SULF2: variants seen among roughly 807,000 people sequenced by gnomAD.
SULF2 encodes the protein extracellular sulfatase Sulf-2.
SULF2 carries 52 observed loss-of-function variants against 107.7 expected under a neutral mutation model. The observed-to-expected ratio is 0.48, with a 90% CI of 0.39 to 0.61. The LOEUF is 0.61. SULF2 is among the 20% of genes least tolerant of loss of function. The probability of loss-of-function intolerance (pLI) is 0.00; values close to 1 mark genes in which losing one functional copy is unlikely to be tolerated. For synonymous variants in SULF2, 460 were observed against 464.3 expected (o/e 0.99, Z 0.12); for missense variants, 993 against 1,177.3 (o/e 0.84, Z 2.29).
At chr20:47,691,878 C>T (rs1282756243) in intron 4 of SULF2, among the ~76,000 whole-genome samples, 1 of 152,122 alleles carries the variant, frequency 6.6e-6, no homozygotes, top group East Asian at 1.9e-4. Flanking sequence ...TGAGGTTTGC[C>T]TATACTCTTT....
At chr20:47,708,852 CTTA>C (rs10580823) in intron 3 of SULF2, among the ~76,000 whole-genome samples, 36,633 of 151,916 alleles carry the variant, frequency 0.24, 4,587 homozygotes, top group Middle Eastern at 0.3. Context: ...CGGATGTCAG[CTTA>C]ATGCAAGCTG....
chr20:47,671,399 G>A (rs933205134), intron 11 of SULF2, among the ~76,000 whole-genome samples: 4 of 151,752 alleles, frequency 2.6e-5, no homozygotes, highest in African/African-American at 4.8e-5. Flanking sequence ...CTCTGCTCCC[G>A]GGTTCAAGCG....
chr20:47,690,504 C>T (rs2088162032), intron 4 of SULF2, among the ~76,000 whole-genome samples: 1 of 152,168 alleles, frequency 6.6e-6, no homozygotes, highest in Non-Finnish European at 1.5e-5. Context: ...GCAAATGGTG[C>T]TAAGCTAATT....
chr20:47,759,305 G>A (rs920303294), intron 1 of SULF2, among the ~76,000 whole-genome samples: 6 of 152,116 alleles, frequency 3.9e-5, no homozygotes, highest in African/African-American at 1.2e-4. Context: ...ACTTCTCCTC[G>A]ACCTCTCCTT....
In SULF2 at chr20:47,676,721, C is replaced by T. The variant is rs536887285; in HGVS notation, c.1251-98G>A. 881 of 1,459,526 alleles carry T rather than the reference C, an allele frequency of 6.0e-4. 11 individuals carry two copies. The Middle Eastern group carries it at 6.6e-3, about 11-fold the overall frequency. 90.4% of individuals were successfully genotyped at this position (1,459,526 alleles called of 1,614,324 possible). ...ACCTAGAGGGGTGCCCCCTCGGCTC[C>T]GGCTTTTCCTCACAGTGGAGGGCGC... On this transcript the variant is annotated intron_variant, in intron 9 of 20. Transcript: ENST00000688720.
At chr20:47,772,970 CTGAG>C (rs1415802938) in intron 1 of SULF2, among the ~76,000 whole-genome samples, 5 of 152,168 alleles carry the variant, frequency 3.3e-5, no homozygotes, top group East Asian at 3.9e-4. Context: ...GGCAGGAGAC[CTGAG>C]TGAGTAAAGT....
chr20:47,741,113 C>T (rs558357436), intron 2 of SULF2, among the ~76,000 whole-genome samples: 1 of 152,298 alleles, frequency 6.6e-6, no homozygotes, highest in Non-Finnish European at 1.5e-5. Flanking sequence ...GATTGGACTC[C>T]AGTCACTTAT....
chr20:47,742,924 A>T (rs1970137), intron 2 of SULF2, among the ~76,000 whole-genome samples: 79,843 of 128,876 alleles, frequency 0.62, 24,270 homozygotes, highest in East Asian at 0.73. Context: ...GATTCAAAAC[A>T]TGATTTTTTT....
At chr20:47,669,674 C>G (rs1364057648) in intron 11 of SULF2, among the ~76,000 whole-genome samples, 1 of 152,176 alleles carries the variant, frequency 6.6e-6, no homozygotes, top group Non-Finnish European at 1.5e-5. Context: ...TCTTTCCTGT[C>G]CATCATCCCC....
intron 3 of SULF2, among the ~76,000 whole-genome samples, chr20:47,710,646 A>T (rs1020377972): frequency 6.7e-6 from 1 of 148,742 alleles, no homozygotes; most frequent in African/African-American, 2.6e-5. Context: ...GTGCCTACTA[A>T]GGGTTATATT....
At chr20:47,745,382 GAAAAAAAAAAAAAAAA>G (rs1158560282) in intron 2 of SULF2, among the ~76,000 whole-genome samples, 2,862 of 51,960 alleles carry the variant, frequency 0.055, 140 homozygotes, top group East Asian at 0.1. Flanking sequence ...AGTTTTGAGG[GAAAAAAAAAAAAAAAA>G]AAAAAAAAAA....
At position 47,658,357 on chromosome 20, in the gene SULF2, GTT is replaced by G. The variant is rs1568770586; in HGVS notation, c.*3_*4del. ...ATGTTTTTGGAGGTCCACCTCTGTT[GTT>G]TCTTAACCTTCCCAGCCTTCCCACA... On this transcript the variant is annotated 3_prime_UTR_variant, in exon 21 of 21. Transcript: ENST00000688720. 1.2e-6 allele frequency: 2 copies of G among 1,614,114 alleles called. No homozygotes were observed. Among genetic ancestry groups the G allele is most frequent in the South Asian group, 2.2e-5 (2 of 91,080 alleles).
intron 3 of SULF2, among the ~76,000 whole-genome samples, chr20:47,718,811 C>T (rs1262962035): frequency 6.6e-6 from 1 of 152,034 alleles, no homozygotes; most frequent in African/African-American, 2.4e-5. Flanking sequence ...ACATTAACCT[C>T]GAGACTCAGG....
chr20:47,665,895 G>T lies in SULF2; in HGVS notation c.1864C>A (p.Gln622Lys), dbSNP rs770868730. ...QCDLDLYKSLQAWKDHKLHID... is the reference protein window; with the variant it reads ...QCDLDLYKSLKAWKDHKLHID... ...TGCAGCTTGTGGTCTTTCCAGGCCT[G>T]CAGGGACTTGTACAGGTCCAGGTCA... is the stretch of plus-strand genomic sequence containing the variant. The change falls in exon 13 of 21, where the codon CAG becomes AAG. Residue 622 changes from glutamine (Q) to lysine (K), a missense_variant. Physicochemically the swap from Gln to Lys is moderately conservative, Grantham distance 53. This residue lies in a region of SULF2 where 497 missense variants were observed against 544.1 expected (regional missense o/e 0.91). Transcript: ENST00000688720. The T allele has an allele frequency of 6.2e-7, 1 of 1,613,964 alleles. No homozygotes were observed. The highest frequency in any genetic ancestry group is 1.3e-5 in the African/African-American group (1 of 74,934).
At chr20:47,777,973 CAAAA>C (rs11322737) in intron 1 of SULF2, among the ~76,000 whole-genome samples, 2 of 132,600 alleles carry the variant, frequency 1.5e-5, no homozygotes. Context: ...TCATCTCTAC[CAAAA>C]AAAAAAAAAA....
chr20:47,676,112 C>A (rs1486265659), intron 10 of SULF2, among the ~76,000 whole-genome samples: 2 of 152,200 alleles, frequency 1.3e-5, no homozygotes, highest in African/African-American at 4.8e-5. Flanking sequence ...AAAGCCATGT[C>A]TTATTACTCC....
chr20:47,696,712 T>A (rs182540476), intron 4 of SULF2, among the ~76,000 whole-genome samples: 5 of 152,242 alleles, frequency 3.3e-5, no homozygotes, highest in Admixed American at 2.6e-4. Flanking sequence ...GGTGCCCTTA[T>A]ACAAGGTGGT....
At chr20:47,672,626 G>A in intron 10 of SULF2, 2 of 866,886 alleles carry the variant, frequency 2.3e-6, no homozygotes, top group South Asian at 5.3e-5. Context: ...CCACTCTCAC[G>A]GTTACCTGCT....
chr20:47,732,972 T>C (rs1182349409), intron 3 of SULF2, among the ~76,000 whole-genome samples: 1 of 152,232 alleles, frequency 6.6e-6, no homozygotes, highest in African/African-American at 2.4e-5. Context: ...CATGAACAAA[T>C]TGATATTTAT....
Sources: allele counts gnomAD v4.1 joint callset (sites outside exome capture counted in the v4.1 genomes callset), GRCh38; gene constraint gnomAD v4.1.1; regional missense constraint gnomAD v4.1.1; transcripts MANE v1.5; gene names NCBI Gene and HGNC (gene_info 2026-07-23, HGNC 2026-07-21).